Variants in DST observed in about 807,000 individuals in gnomAD.
DST encodes bullous pemphigoid antigen.
In DST, 253 loss-of-function variants were observed where a neutral mutation model predicts 875.2. The observed-to-expected ratio is 0.29, with a 90% CI of 0.26 to 0.32. DST has a LOEUF of 0.32. Ranked by LOEUF, DST falls within the 10% of genes least tolerant of loss-of-function variation. The pLI is 1.00. For missense variants in DST, 8,287 were observed against 9,111.6 expected (o/e 0.91, Z 3.68); for synonymous variants, 3,124 against 3,197.1 (o/e 0.98, Z 0.77).
In DST at chr6:56,536,812, A is replaced by C. The variant is rs770586747; in HGVS notation, c.16737T>G (p.Asp5579Glu). The change falls in exon 62 of 104, where the codon GAT becomes GAG. Residue 5579 changes from aspartate (D) to glutamate (E), a missense_variant. Asp to Glu is a conservative substitution (Grantham distance 45). Transcript: ENST00000680361. Reference protein sequence around the residue: ...STQGLEHDLDDVNARWKTLNK... With the variant: ...STQGLEHDLDEVNARWKTLNK... ...TGAGAGTCTTCCACCGTGCATTGAC[A>C]TCATCCAGGTCATGCTCCAAGCCCT... is the stretch of plus-strand genomic sequence containing the variant. The C allele has an allele frequency of 7.5e-6, 12 of 1,598,704 alleles. No homozygotes were observed. The highest frequency in any genetic ancestry group is 1.0e-5 in the Non-Finnish European group (12 of 1,172,590).
At chr6:56,784,061 C>A (rs2152995803) in intron 4 of DST, among the ~76,000 whole-genome samples, 1 of 152,324 alleles carries the variant, frequency 6.6e-6, no homozygotes, top group East Asian at 1.9e-4. Context: ...CCCCCACTCT[C>A]TTCTGGCTTG....
intron 10 of DST, among the ~76,000 whole-genome samples, chr6:56,665,661 A>G (rs1036035585): frequency 2.6e-5 from 4 of 152,168 alleles, no homozygotes; most frequent in Admixed American, 1.3e-4. Context: ...AAGTCATGCC[A>G]TAAAGACGGC....
At chr6:56,626,364 A>G (rs1343521504) in intron 34 of DST, among the ~76,000 whole-genome samples, 1 of 152,094 alleles carries the variant, frequency 6.6e-6, no homozygotes, top group Non-Finnish European at 1.5e-5. Flanking sequence ...TTTGTATTTT[A>G]TTCCCTATTT....
intron 10 of DST, among the ~76,000 whole-genome samples, chr6:56,653,579 G>A (rs2098987887): frequency 6.6e-6 from 1 of 152,028 alleles, no homozygotes; most frequent in Non-Finnish European, 1.5e-5. Context: ...CAGCTACTCG[G>A]GAGGCTGAGG....
intron 4 of DST, among the ~76,000 whole-genome samples, chr6:56,796,033 A>G (rs2099739185): frequency 6.6e-6 from 1 of 152,172 alleles, no homozygotes; most frequent in South Asian, 2.1e-4. Flanking sequence ...TCTCACACAG[A>G]AAGAGGCAAA....
At chr6:56,519,558 A>G (rs778551829) in intron 69 of DST, among the ~76,000 whole-genome samples, 1 of 152,146 alleles carries the variant, frequency 6.6e-6, no homozygotes, top group African/African-American at 2.4e-5. Context: ...CTGGGGTGAT[A>G]TCAGAGAAGG....
At position 56,557,474 on chromosome 6, in the gene DST, G is replaced by C. The variant is rs2097444544; in HGVS notation, c.14485C>G (p.Gln4829Glu). The change falls in exon 59 of 104, where the codon CAA becomes GAA. Residue 4829 changes from glutamine to glutamate, a missense_variant. Coordinates refer to ENST00000680361, the MANE Select transcript of DST (RefSeq NM_001374736.1). ...TTATTGGAGGATTCTTCCAGTTTTT[G>C]TTGTCTATCAATTGTTAATTGATTG... ...ELNQLTIDRQ[Q>E]KLEESSNNLT... The C allele has an allele frequency of 6.2e-7, 1 of 1,613,272 alleles. No individual in the cohort carries two copies. Among genetic ancestry groups the C allele is most frequent in the African/African-American group, 1.3e-5 (1 of 74,876 alleles).
At chr6:56,908,982 T>A (rs1797712811) in intron 2 of DST, among the ~76,000 whole-genome samples, 1 of 152,208 alleles carries the variant, frequency 6.6e-6, no homozygotes, top group Admixed American at 6.5e-5. Flanking sequence ...TGGGCTGCCC[T>A]GTCTATGGAA....
intron 17 of DST, among the ~76,000 whole-genome samples, 157 bp from the exon 18 acceptor site, chr6:56,640,762 CAG>C (rs1382174257): frequency 6.6e-6 from 1 of 152,112 alleles, no homozygotes; most frequent in Non-Finnish European, 1.5e-5. Flanking sequence ...ATGTAAATAA[CAG>C]GGGAAGAGGG....
chr6:56,866,369 C>G (rs978093923), intron 3 of DST, among the ~76,000 whole-genome samples: 4 of 152,214 alleles, frequency 2.6e-5, no homozygotes, highest in African/African-American at 9.7e-5. Context: ...TATCTTCCAA[C>G]TGATCTTGCT....
At chr6:56,897,950 C>A (rs532049165) in intron 3 of DST, among the ~76,000 whole-genome samples, 1 of 152,284 alleles carries the variant, frequency 6.6e-6, no homozygotes, top group Non-Finnish European at 1.5e-5. Flanking sequence ...AAGACCAATG[C>A]CCTCTGCTGC....
chr6:56,773,425 TCTCA>T (rs2099671469), intron 4 of DST, among the ~76,000 whole-genome samples: 4 of 152,036 alleles, frequency 2.6e-5, no homozygotes, highest in Non-Finnish European at 4.4e-5. Context: ...GTCCCCTGAA[TCTCA>T]CTATTAAAAA....
At chr6:56,571,278 G>C (rs780323834) in intron 53 of DST, among the ~76,000 whole-genome samples, 23 of 152,312 alleles carry the variant, frequency 1.5e-4, no homozygotes, top group Middle Eastern at 6.8e-3. Context: ...TTATTTTAAA[G>C]TTGGACCCAT....
chr6:56,476,470 A>G, intron 91 of DST, 133 bp from the exon 92 acceptor site: 1 of 721,402 alleles, frequency 1.4e-6, no homozygotes, highest in Non-Finnish European at 2.1e-6. Flanking sequence ...TGGTCTTTTT[A>G]GATTCCATTA....
intron 2 of DST, among the ~76,000 whole-genome samples, chr6:56,950,254 T>A (rs1411111393): frequency 6.6e-6 from 1 of 152,188 alleles, no homozygotes; most frequent in Admixed American, 6.5e-5. Flanking sequence ...TAGAACACAC[T>A]CTTCTCCTTC....
intron 4 of DST, among the ~76,000 whole-genome samples, chr6:56,844,252 C>T (rs941971301): frequency 2.0e-5 from 3 of 152,082 alleles, no homozygotes; most frequent in Non-Finnish European, 1.5e-5. Flanking sequence ...GCCTGACAGC[C>T]GGGCCGCGCC....
chr6:56,652,497 C>G (rs1301698044), intron 10 of DST, among the ~76,000 whole-genome samples: 1 of 152,144 alleles, frequency 6.6e-6, no homozygotes, highest in Non-Finnish European at 1.5e-5. Context: ...TGGGAAACCA[C>G]AGAAAGAGTG....
chr6:56,611,470 C>G (rs753332428), intron 38 of DST, 38 bp downstream of exon 38: 3 of 1,415,408 alleles, frequency 2.1e-6, no homozygotes, highest in Admixed American at 3.4e-5. Flanking sequence ...AGAATACTTC[C>G]CCACTTAAAA....
chr6:56,672,465 T>C (rs192832198), intron 9 of DST, among the ~76,000 whole-genome samples: 89 of 152,234 alleles, frequency 5.8e-4, no homozygotes, highest in Admixed American at 1.6e-3. Context: ...GAACACATCA[T>C]ATAGTACACA....
Sources: gnomAD v4.1 joint callset for allele counts (sites outside exome capture counted in the v4.1 genomes callset) on GRCh38, gnomAD v4.1.1 for gene constraint, MANE v1.5 for transcripts, NCBI Gene and HGNC (gene_info 2026-07-23, HGNC 2026-07-21) for gene names.